The following GTF3C1 variants were observed in gnomAD, a reference collection of about 807,000 sequenced individuals.
GTF3C1 encodes general transcription factor IIIC subunit 1, also known as general transcription factor 3C polypeptide 1.
GTF3C1 carries 57 observed loss-of-function variants against 226.7 expected under a neutral mutation model. That is an observed-to-expected ratio of 0.25 (90% CI 0.20 to 0.31). The LOEUF is 0.31. Ranked by LOEUF, GTF3C1 falls within the 10% of genes least tolerant of loss-of-function variation. GTF3C1 has a pLI of 1.00. For synonymous variants in GTF3C1, 1,090 were observed against 1,084.8 expected (o/e 1.00, Z -0.09); for missense variants, 2,217 against 2,776.1 (o/e 0.80, Z 4.53).
intron 11 of GTF3C1, among the ~76,000 whole-genome samples, chr16:27,501,890 G>T (rs1407201905): frequency 6.6e-6 from 1 of 152,136 alleles, no homozygotes; most frequent in African/African-American, 2.4e-5. Context: ...ATCACTTGAG[G>T]TCAGGAGTTC....
chr16:27,543,499 C>A (rs979775758), intron 2 of GTF3C1, among the ~76,000 whole-genome samples: 3 of 152,206 alleles, frequency 2.0e-5, no homozygotes, highest in Non-Finnish European at 2.9e-5. Flanking sequence ...CAAGCAATCC[C>A]CCCATCGCAG....
Position 27,469,275 on chromosome 16 carries a change from C to G in GTF3C1, c.5074+16G>C. 1 of 1,544,752 alleles carries G rather than the reference C, an allele frequency of 6.5e-7. No individual in the cohort carries two copies. Among genetic ancestry groups the G allele is most frequent in the Non-Finnish European group, 8.8e-7 (1 of 1,141,342 alleles). On this transcript the variant is annotated intron_variant, in intron 32 of 36. Coordinates refer to ENST00000356183, the MANE Select transcript of GTF3C1 (RefSeq NM_001520.4). This position sits in a 1 kb window ranked among gnomAD's most constrained non-coding sequence, Gnocchi z 4.5. ...GCGAGGCCAGGCCCTCCCACAGCAC[C>G]AGCAGGAGCACTCACCAGCGGGCCT...
chr16:27,505,833 A>G lies in GTF3C1; in HGVS notation c.1770+66T>C, dbSNP rs1053538264. 56 of 921,074 alleles carry G rather than the reference A, an allele frequency of 6.1e-5. 2 individuals carry two copies. The African/African-American group carries it at 8.9e-4, about 15-fold the overall frequency. 57.1% of individuals were successfully genotyped at this position (921,074 alleles called of 1,614,324 possible). A position where few individuals can be genotyped will look rare whatever the true frequency, so the allele number is the denominator to read the frequency against. On this transcript the variant is annotated intron_variant, in intron 10 of 36. Transcript: ENST00000356183. ...TTCCACTGTGATCATGTGATTCCTA[A>G]ACACAGAAACGATGAGGCCACAGAC... is the stretch of plus-strand genomic sequence containing the variant.
chr16:27,498,934 G>A (rs758225791), intron 12 of GTF3C1, among the ~76,000 whole-genome samples: 1 of 152,216 alleles, frequency 6.6e-6, no homozygotes, highest in Non-Finnish European at 1.5e-5. Flanking sequence ...AAGTGACCAA[G>A]CGATCAGGCT....
In GTF3C1 at chr16:27,497,834, TA is replaced by T. The variant is rs1453202689; in HGVS notation, c.2166-14del. The T allele has an allele frequency of 5.0e-6, 8 of 1,602,976 alleles. No homozygotes were observed. Among genetic ancestry groups the T allele is most frequent in the Non-Finnish European group, 6.8e-6 (8 of 1,172,562 alleles). The stretch of plus-strand genomic sequence containing the variant: ...GGAAGTTTTAACCCTGCAGTTCAAA[TA>T]AACATGCAATAATGTACTGAGAAAA... On this transcript the variant is annotated splice_polypyrimidine_tract_variant and intron_variant, in intron 13 of 36. Transcript: ENST00000356183.
At chr16:27,488,776 C>T (rs543103823) in intron 21 of GTF3C1, 141 bp from the exon 22 acceptor site, 43 of 720,470 alleles carry the variant, frequency 6.0e-5, no homozygotes, top group Non-Finnish European at 9.3e-5. Context: ...CTCCTGCCAC[C>T]CGCTTTACCA....
rs370711812 is a variant in GTF3C1, at chr16:27,494,922, G to A, written c.2633-14C>T. On this transcript the variant is annotated splice_polypyrimidine_tract_variant and intron_variant, in intron 15 of 36. Transcript: ENST00000356183. ...CGTCGACATACACTAGGAAAAAAAC[G>A]CACGGTTACCCCCGGCAGCCAGGAT... is the stretch of plus-strand genomic sequence containing the variant. 36 of 1,610,138 alleles carry A rather than the reference G, an allele frequency of 2.2e-5. No individual in the cohort carries two copies. In the South Asian group the frequency reaches 2.4e-4, roughly 11 times the overall value.
chr16:27,541,437 C>T (rs1353504071), intron 2 of GTF3C1, among the ~76,000 whole-genome samples: 2 of 152,156 alleles, frequency 1.3e-5, no homozygotes, highest in African/African-American at 2.4e-5. Context: ...TTCTAGAAGC[C>T]GGCTTTGTGC....
intron 11 of GTF3C1, among the ~76,000 whole-genome samples, chr16:27,502,512 G>T (rs1021383887): frequency 6.6e-6 from 1 of 152,126 alleles, no homozygotes; most frequent in African/African-American, 2.4e-5. Flanking sequence ...GCTACTACTC[G>T]CTTAAGTGTC....
At chr16:27,467,386 AG>A (rs1473897285) in intron 32 of GTF3C1, among the ~76,000 whole-genome samples, 8 of 152,234 alleles carry the variant, frequency 5.3e-5, no homozygotes, top group Non-Finnish European at 1.2e-4. Context: ...AGCCCACTGT[AG>A]AGACCTACTG....
intron 6 of GTF3C1, among the ~76,000 whole-genome samples, chr16:27,521,232 C>T (rs1033764030): frequency 5.3e-5 from 8 of 152,268 alleles, no homozygotes; most frequent in Non-Finnish European, 1.2e-4. Context: ...CCTGTGCTCA[C>T]AAGTTCTGGC....
At position 27,492,196 on chromosome 16, in the gene GTF3C1, C is replaced by A. The variant is rs993758468; in HGVS notation, c.3151+142G>T. 8 of 600,178 alleles carry A rather than the reference C, an allele frequency of 1.3e-5. No homozygotes were observed. In the South Asian group the frequency reaches 1.8e-4, roughly 13 times the overall value. 37.2% of individuals were successfully genotyped at this position (600,178 alleles called of 1,614,324 possible). A position where few individuals can be genotyped will look rare whatever the true frequency, so the allele number is the denominator to read the frequency against. On this transcript the variant is annotated intron_variant, in intron 19 of 36. Coordinates refer to ENST00000356183, the MANE Select transcript of GTF3C1 (RefSeq NM_001520.4). This position sits in a 1 kb window ranked among gnomAD's most constrained non-coding sequence, Gnocchi z 5.0. ...GCCACTTTCCTTTCCAAGGGAGCCC[C>A]AGGGGTGCTCTGGGCCTCTGGGGAG...
At chr16:27,498,451 C>G (rs1050832283) in intron 13 of GTF3C1, among the ~76,000 whole-genome samples, 179 bp downstream of exon 13, 1 of 151,840 alleles carries the variant, frequency 6.6e-6, no homozygotes, top group African/African-American at 2.4e-5. Flanking sequence ...TTTTTTTTTC[C>G]CCCTAAAGAA....
chr16:27,548,905 G>A (rs909009216), intron 1 of GTF3C1, among the ~76,000 whole-genome samples: 1 of 152,332 alleles, frequency 6.6e-6, no homozygotes, highest in Non-Finnish European at 1.5e-5. Context: ...TGTAATCACA[G>A]CACTTTGGGA....
chr16:27,490,030 G>A (rs2141376790), intron 19 of GTF3C1, among the ~76,000 whole-genome samples: 1 of 152,358 alleles, frequency 6.6e-6, no homozygotes, highest in South Asian at 2.1e-4. Context: ...AGTCGAGAGA[G>A]CCCGGCAGGC....
intron 11 of GTF3C1, 114 bp from the exon 12 acceptor site, chr16:27,501,458 A>C: frequency 1.1e-6 from 1 of 944,290 alleles, no homozygotes; most frequent in Middle Eastern, 2.3e-4. Flanking sequence ...GGAAGGATCA[A>C]ACGGGGTTTC....
intron 6 of GTF3C1, among the ~76,000 whole-genome samples, chr16:27,517,148 T>C (rs1184264475): frequency 2.0e-5 from 3 of 152,162 alleles, no homozygotes; most frequent in Non-Finnish European, 4.4e-5. Context: ...GGTAAGAGAT[T>C]AGGCAGGTAA....
At position 27,538,015 on chromosome 16, in the gene GTF3C1, C is replaced by G. The variant is rs1470253951; in HGVS notation, c.609-88G>C. 2.1e-6 allele frequency: 3 copies of G among 1,435,824 alleles called. No homozygotes were observed. The African/African-American group carries it at 4.3e-5, about 20-fold the overall frequency. The allele number at this position is 1,435,824 out of a possible 1,614,324, so 88.9% of individuals were successfully genotyped here. A position where few individuals can be genotyped will look rare whatever the true frequency, so the allele number is the denominator to read the frequency against. ...CTCACTTGGACATAAACACCAGAGA[C>G]ACAAACCTCCTGTCCAGCCAACCTA... On this transcript the variant is annotated intron_variant, in intron 3 of 36. Transcript: ENST00000356183.
chr16:27,486,819 A>G (rs956690324), intron 23 of GTF3C1, among the ~76,000 whole-genome samples: 1 of 152,264 alleles, frequency 6.6e-6, no homozygotes, highest in South Asian at 2.1e-4. Context: ...ATGCTTTTTC[A>G]ACATATTATC....
Sources: allele counts gnomAD v4.1 joint callset (sites outside exome capture counted in the v4.1 genomes callset), GRCh38; gene constraint gnomAD v4.1.1; non-coding constraint Gnocchi (gnomAD v3.1); transcripts MANE v1.5; gene names NCBI Gene and HGNC (gene_info 2026-07-23, HGNC 2026-07-21).